Variants in KCNB2 observed in about 807,000 individuals in gnomAD.
KCNB2 encodes potassium voltage-gated channel subfamily B member 2.
In KCNB2, 15 loss-of-function variants were observed where a neutral mutation model predicts 61.5. The observed-to-expected ratio is 0.24, with a 90% CI of 0.16 to 0.38. The LOEUF (loss-of-function observed/expected upper bound fraction) is 0.38, where lower values mean the gene tolerates loss of function less well. Among genes scored for constraint, KCNB2 ranks in the 10% least tolerant of loss-of-function variants. KCNB2 has a pLI of 1.00. For synonymous variants in KCNB2, 457 were observed against 446.0 expected (o/e 1.02, Z -0.31); for missense variants, 828 against 1,125.2 (o/e 0.74, Z 3.78).
rs991747042 is a variant in KCNB2 at position 72,931,732 on chromosome 8, T to C, written c.580-4203T>C. Among the ~76,000 whole-genome samples the C allele has an allele frequency of 3.3e-5, 5 of 152,112 alleles. No individual in the cohort carries two copies. In the South Asian group the frequency reaches 1.0e-3, roughly 32 times the overall value. The stretch of plus-strand genomic sequence containing the variant: ...AAAGGGATTAAAAACCTGAGGCAGG[T>C]GGGGCATGGTGACTTATGCCTGTAA... On this transcript the variant is annotated intron_variant, in intron 2 of 2. Coordinates refer to ENST00000523207, the MANE Select transcript of KCNB2 (RefSeq NM_004770.3).
chr8:72,732,981 T>G (rs1192561055), intron 2 of KCNB2, among the ~76,000 whole-genome samples: 1 of 151,468 alleles, frequency 6.6e-6, no homozygotes, highest in Non-Finnish European at 1.5e-5. Context: ...CCTGATGTGT[T>G]GAAGATGCTA....
chr8:72,630,056 A>T (rs1805856012), intron 2 of KCNB2, among the ~76,000 whole-genome samples: 1 of 152,190 alleles, frequency 6.6e-6, no homozygotes, highest in Non-Finnish European at 1.5e-5. Flanking sequence ...TATTACTGTT[A>T]TAACCAGTTG....
Position 72,732,261 on chromosome 8 carries a change from G to T in KCNB2, c.579+163948G>T, listed in dbSNP as rs538840125. ...TCTAGCTGCAGGTCTTTAGTTGGAA[G>T]GTGCTACTCCTTAGCTAGAACCTGT... On this transcript the variant is annotated intron_variant, in intron 2 of 2. Coordinates refer to ENST00000523207, the MANE Select transcript of KCNB2 (RefSeq NM_004770.3). 5.3e-5 allele frequency among the ~76,000 whole-genome samples: 8 copies of T among 152,332 alleles called. No individual in the cohort carries two copies. The East Asian group carries it at 1.4e-3, about 26-fold the overall frequency.
intron 2 of KCNB2, among the ~76,000 whole-genome samples, chr8:72,603,585 G>A (rs1329759529): frequency 6.6e-6 from 1 of 152,178 alleles, no homozygotes; most frequent in Non-Finnish European, 1.5e-5. Flanking sequence ...GCGATGCAGA[G>A]CAGAGTGGTC....
At chr8:72,799,988 G>T (rs2919402) in intron 2 of KCNB2, among the ~76,000 whole-genome samples, 3 of 151,932 alleles carry the variant, frequency 2.0e-5, no homozygotes, top group Admixed American at 2.0e-4. Context: ...AGAACATTGG[G>T]CTAGCTGGTT....
In KCNB2 at chr8:72,937,999, G is replaced by C. The variant is rs1332096458; in HGVS notation, c.2644G>C (p.Gly882Arg). 1 of 1,613,978 alleles carries C rather than the reference G, an allele frequency of 6.2e-7. No individual in the cohort carries two copies. Among genetic ancestry groups the C allele is most frequent in the Non-Finnish European group, 8.5e-7 (1 of 1,180,012 alleles). The change falls in exon 3 of 3, where the codon GGG becomes CGG. Residue 882 changes from glycine (G) to arginine (R), a missense_variant. Physicochemically the swap from Gly to Arg is moderately radical, Grantham distance 125. Around this residue, in one of 4 missense-constraint regions of KCNB2, gnomAD observed 559 missense variants for 588.4 expected, o/e 0.95. Coordinates refer to ENST00000523207, the MANE Select transcript of KCNB2 (RefSeq NM_004770.3). ...SEVKKDSSQE[G>R]CKMENHLFAP... ...AGTCAAAAAGGACAGTAGTCAAGAA[G>C]GGTGCAAGATGGAAAATCACTTGTT...
chr8:72,851,845 A>AAAAAAAAAAAAAAAAC (rs1563404693), intron 2 of KCNB2, among the ~76,000 whole-genome samples: 4 of 147,914 alleles, frequency 2.7e-5, no homozygotes, highest in African/African-American at 1.0e-4. Context: ...AAAAAAAAAA[A>AAAAAAAAAAAAAAAAC]AAACACGTAC....
At chr8:72,867,828 T>G (rs1805553611) in intron 2 of KCNB2, among the ~76,000 whole-genome samples, 1 of 152,184 alleles carries the variant, frequency 6.6e-6, no homozygotes, top group African/African-American at 2.4e-5. Context: ...ATGACATCAC[T>G]ACTATCACTT....
chr8:72,791,318 G>A (rs773920993), intron 2 of KCNB2, among the ~76,000 whole-genome samples: 6 of 152,174 alleles, frequency 3.9e-5, no homozygotes, highest in Non-Finnish European at 5.9e-5. Flanking sequence ...GCGGGACCAA[G>A]TTAGGTGGAT....
chr8:72,774,411 C>T lies in KCNB2; in HGVS notation c.580-161524C>T, dbSNP rs902219749. 3.9e-5 allele frequency among the ~76,000 whole-genome samples: 6 copies of T among 152,254 alleles called. No homozygotes were observed. The East Asian group carries it at 5.8e-4, about 15-fold the overall frequency. On this transcript the variant is annotated intron_variant, in intron 2 of 2. Transcript: ENST00000523207. The stretch of plus-strand genomic sequence containing the variant: ...TGTCACCCAGGCTGGAGTGCAGTGG[C>T]GCAATCTCGGCTCACTGCAAACTCC...
intron 2 of KCNB2, among the ~76,000 whole-genome samples, chr8:72,569,784 A>G (rs1247537009): frequency 1.3e-5 from 2 of 152,188 alleles, no homozygotes; most frequent in Non-Finnish European, 1.5e-5. Flanking sequence ...TTAAGTGAGT[A>G]TTGTGGGTGT....
chr8:72,825,280 G>C (rs1014934042), intron 2 of KCNB2, among the ~76,000 whole-genome samples: 1 of 152,132 alleles, frequency 6.6e-6, no homozygotes, highest in African/African-American at 2.4e-5. Context: ...ATCACATTTT[G>C]TCTACCCATT....
intron 2 of KCNB2, among the ~76,000 whole-genome samples, chr8:72,821,117 T>C (rs1415806710): frequency 1.3e-5 from 2 of 152,164 alleles, no homozygotes; most frequent in Admixed American, 6.6e-5. Flanking sequence ...TATTATCCAA[T>C]AGACAAAAAC....
chr8:72,659,914 A>AG (rs2128987194), intron 2 of KCNB2, among the ~76,000 whole-genome samples: 1 of 152,354 alleles, frequency 6.6e-6, no homozygotes, highest in Non-Finnish European at 1.5e-5. Context: ...TTTGTGACTC[A>AG]CTTTAATGTA....
At chr8:72,935,700 A>G (rs1180276380) in intron 2 of KCNB2, among the ~76,000 whole-genome samples, 3 of 152,186 alleles carry the variant, frequency 2.0e-5, no homozygotes, top group African/African-American at 4.8e-5. Flanking sequence ...ATGCCCATAC[A>G]TGTTCCTAAG....
chr8:72,749,591 A>G lies in KCNB2; in HGVS notation c.579+181278A>G, dbSNP rs573419906. ...ACATAAATATAAATACTTATAAGCC[A>G]ACCTACTTATTATTGCCTAGAACTA... On this transcript the variant is annotated intron_variant, in intron 2 of 2. Coordinates refer to ENST00000523207, the MANE Select transcript of KCNB2 (RefSeq NM_004770.3). Among the ~76,000 whole-genome samples the G allele has an allele frequency of 7.9e-5, 12 of 151,586 alleles. No homozygotes were observed. The East Asian group carries it at 2.3e-3, about 29-fold the overall frequency.
intron 2 of KCNB2, among the ~76,000 whole-genome samples, chr8:72,923,961 A>G (rs938400317): frequency 2.6e-5 from 4 of 152,150 alleles, no homozygotes; most frequent in Non-Finnish European, 4.4e-5. Flanking sequence ...ACTACACCCT[A>G]CTTCTGTAAA....
intron 2 of KCNB2, among the ~76,000 whole-genome samples, chr8:72,616,086 T>C (rs1483791643): frequency 1.3e-5 from 2 of 152,210 alleles, no homozygotes; most frequent in Admixed American, 1.3e-4. Flanking sequence ...CATGAAGAGA[T>C]TCAGGCATTT....
chr8:72,594,210 G>A (rs1162477202), intron 2 of KCNB2, among the ~76,000 whole-genome samples: 4 of 152,084 alleles, frequency 2.6e-5, no homozygotes, highest in Admixed American at 6.5e-5. Context: ...GATAAAACAA[G>A]TTCCTTATTA....
Sources: gnomAD v4.1 joint callset for allele counts (sites outside exome capture counted in the v4.1 genomes callset) on GRCh38, gnomAD v4.1.1 for gene constraint, gnomAD v4.1.1 regional missense constraint, MANE v1.5 for transcripts, NCBI Gene and HGNC (gene_info 2026-07-23, HGNC 2026-07-21) for gene names.